GRIP1: variants seen among roughly 807,000 people sequenced by gnomAD.
GRIP1 encodes the protein glutamate receptor interacting protein 1, also known as glutamate receptor-interacting protein 1.
In GRIP1, 45 loss-of-function variants were observed where a neutral mutation model predicts 129.9. The ratio of observed to expected loss-of-function variants is 0.35; its 90% confidence interval spans 0.27 to 0.44. GRIP1 has a LOEUF of 0.44. GRIP1 is among the 20% of genes least tolerant of loss of function. The pLI, the probability that GRIP1 is intolerant of heterozygous loss-of-function variation, is 1.00. For synonymous variants in GRIP1, 530 were observed against 520.8 expected (o/e 1.02, Z -0.24); for missense variants, 1,196 against 1,396.8 (o/e 0.86, Z 2.29).
At chr12:66,586,071 C>T (rs1565887826) in intron 2 of GRIP1, among the ~76,000 whole-genome samples, 1 of 152,188 alleles carries the variant, frequency 6.6e-6, no homozygotes, top group Non-Finnish European at 1.5e-5. Context: ...CACATGCTCC[C>T]TCTGGCCACT....
chr12:66,408,306 C>T (rs1056889933), intron 15 of GRIP1, among the ~76,000 whole-genome samples: 45 of 152,028 alleles, frequency 3.0e-4, no homozygotes, highest in African/African-American at 1.0e-3. Flanking sequence ...TGGTGAAACT[C>T]GGTCTGTACT....
At chr12:66,595,164 A>G (rs1384653111) in intron 2 of GRIP1, among the ~76,000 whole-genome samples, 1 of 152,232 alleles carries the variant, frequency 6.6e-6, no homozygotes, top group East Asian at 1.9e-4. Context: ...CCAGGAAAAC[A>G]TCTCGTAAAA....
At chr12:67,069,198 G>A (rs2043691882), upstream of GRIP1, 1 of 761,062 alleles carries the variant, frequency 1.3e-6, no homozygotes, top group Non-Finnish European at 1.6e-6. Flanking sequence ...TCGTCCTCTA[G>A]GGCAGCCGCG....
intron 1 of GRIP1, among the ~76,000 whole-genome samples, chr12:66,711,955 T>C (rs2035726407): frequency 6.6e-6 from 1 of 151,984 alleles, no homozygotes; most frequent in African/African-American, 2.4e-5. Context: ...TTAAAAAGTA[T>C]ATATTCATGC....
intron 1 of GRIP1, among the ~76,000 whole-genome samples, chr12:67,018,228 A>ACAC (rs1162809892): frequency 6.6e-6 from 1 of 152,070 alleles, no homozygotes; most frequent in Non-Finnish European, 1.5e-5. Context: ...CTCCAGGCTT[A>ACAC]CACCAGCAAG....
chr12:66,894,902 T>C (rs1185560175), intron 1 of GRIP1, among the ~76,000 whole-genome samples: 1 of 152,156 alleles, frequency 6.6e-6, no homozygotes, highest in Non-Finnish European at 1.5e-5. Flanking sequence ...CAAAGACCCA[T>C]CTAAGCCCCT....
intron 1 of GRIP1, among the ~76,000 whole-genome samples, chr12:66,642,198 G>A (rs2031992743): frequency 6.6e-6 from 1 of 152,158 alleles, no homozygotes; most frequent in Non-Finnish European, 1.5e-5. Context: ...GCAGGGAGGA[G>A]GGTGGTGTTG....
chr12:66,607,584 A>G (rs2064594676), intron 1 of GRIP1, among the ~76,000 whole-genome samples: 1 of 152,156 alleles, frequency 6.6e-6, no homozygotes, highest in Non-Finnish European at 1.5e-5. Flanking sequence ...ATCTAGCAAC[A>G]CAATGAAGAA....
At chr12:66,730,809 T>C (rs56063219) in intron 1 of GRIP1, among the ~76,000 whole-genome samples, 12,411 of 151,920 alleles carry the variant, frequency 0.082, 768 homozygotes, top group Non-Finnish European at 0.12. Flanking sequence ...AAGTACTTAA[T>C]TCAAATTTGA....
At chr12:66,794,178 C>T (rs978545737) in intron 1 of GRIP1, among the ~76,000 whole-genome samples, 6 of 152,140 alleles carry the variant, frequency 3.9e-5, no homozygotes, top group Non-Finnish European at 8.8e-5. Flanking sequence ...ATTGATATGG[C>T]AAACTAAGAT....
chr12:66,567,249 C>T (rs1185327052), intron 2 of GRIP1, among the ~76,000 whole-genome samples: 1 of 152,118 alleles, frequency 6.6e-6, no homozygotes, highest in Non-Finnish European at 1.5e-5. Flanking sequence ...TCTGCTTTCT[C>T]TTGTGGGCAT....
Position 67,021,693 on chromosome 12 carries a change from G to T in GRIP1, c.58+47357C>A, listed in dbSNP as rs1265448884. Among the ~76,000 whole-genome samples the T allele has an allele frequency of 2.6e-5, 4 of 151,994 alleles. No homozygotes were observed. The East Asian group carries it at 7.7e-4, about 29-fold the overall frequency. Reference sequence around the variant, plus strand: ...ATCCAAAGATATATAATAAACTATTGTCAATTATATTCATCCCACTGTGCT... The same window carrying T: ...ATCCAAAGATATATAATAAACTATTTTCAATTATATTCATCCCACTGTGCT... On this transcript the variant is annotated intron_variant, in intron 1 of 1. Transcript: ENST00000643019.
intron 2 of GRIP1, among the ~76,000 whole-genome samples, chr12:66,552,451 A>C (rs1258372372): frequency 2.6e-5 from 4 of 152,218 alleles, no homozygotes; most frequent in African/African-American, 9.6e-5. Context: ...TCACTAACTT[A>C]GCCTTCAGAA....
At chr12:66,571,547 CTTG>C (rs1187267938) in intron 2 of GRIP1, among the ~76,000 whole-genome samples, 1 of 152,020 alleles carries the variant, frequency 6.6e-6, no homozygotes. Context: ...AATACCCACT[CTTG>C]TTGTCAAGCA....
At chr12:66,731,654 A>G (rs1395002507) in intron 1 of GRIP1, among the ~76,000 whole-genome samples, 1 of 152,212 alleles carries the variant, frequency 6.6e-6, no homozygotes, top group African/African-American at 2.4e-5. Flanking sequence ...AGACAAGAAA[A>G]GAATTAGGTC....
At chr12:66,548,171 C>CT (rs956178056) in intron 2 of GRIP1, among the ~76,000 whole-genome samples, 3 of 152,048 alleles carry the variant, frequency 2.0e-5, no homozygotes, top group East Asian at 1.9e-4. Flanking sequence ...TTATATATAT[C>CT]TTTTTTCAAA....
chr12:66,856,936 C>T (rs192678976), intron 1 of GRIP1, among the ~76,000 whole-genome samples: 31 of 152,156 alleles, frequency 2.0e-4, no homozygotes, highest in Non-Finnish European at 2.9e-4. Flanking sequence ...ATGTTTATTG[C>T]GGCACTATTC....
In GRIP1 at chr12:66,444,663, G is replaced by A. The variant is rs779410257; in HGVS notation, c.1608C>T (p.Thr536=). 1 of 1,613,956 alleles carries A rather than the reference G, an allele frequency of 6.2e-7. No homozygotes were observed. Among genetic ancestry groups the A allele is most frequent in the South Asian group, 1.1e-5 (1 of 91,070 alleles). ...GGAGGAGCTGACTGGCTTCTTCGAA[G>A]GTGCTGTCTTCTGTTGGAATTCCAT... ...AINGIPTEDS[T]FEEASQLLRD... The change falls in exon 13 of 25, where the codon ACC becomes ACT. Residue 536 remains threonine (T), a synonymous_variant. Coordinates refer to ENST00000359742, the MANE Select transcript of GRIP1 (RefSeq NM_001366722.1).
At chr12:66,531,875 A>C (rs1201466005) in intron 4 of GRIP1, among the ~76,000 whole-genome samples, 3 of 152,198 alleles carry the variant, frequency 2.0e-5, no homozygotes, top group African/African-American at 7.2e-5. Context: ...CTGTGTGCTC[A>C]GAACTCTGCA....
Sources: allele counts gnomAD v4.1 joint callset (sites outside exome capture counted in the v4.1 genomes callset), GRCh38; gene constraint gnomAD v4.1.1; transcripts MANE v1.5; gene names NCBI Gene and HGNC (gene_info 2026-07-23, HGNC 2026-07-21).